The following BID variants were observed in gnomAD, a reference collection of about 807,000 sequenced individuals.
The protein encoded by BID is BH3-interacting domain death agonist.
Under a neutral mutation model 17.4 loss-of-function variants are expected in BID, and 19 were observed. The ratio of observed to expected loss-of-function variants is 1.09; its 90% confidence interval spans 0.76 to 1.60. The LOEUF is 1.60. Among genes scored for constraint, BID ranks in the 40% most tolerant of loss-of-function variants. The probability of loss-of-function intolerance (pLI) is 0.00; values close to 1 mark genes in which losing one functional copy is unlikely to be tolerated. For synonymous variants in BID, 108 were observed against 102.8 expected, an observed-to-expected ratio of 1.05 and a Z score of -0.31; for missense variants, 226 against 256.0, an observed-to-expected ratio of 0.88 and a Z score of 0.80.
In BID at chr22:17,769,306, G is replaced by A. The variant is rs540342146; in HGVS notation, c.-59+5075C>T. ...GTACACGGGTGACCCTTCCACAAAG[G>A]CCCCTAGCTGGGCTCCCTGCTCAGT... is the stretch of plus-strand genomic sequence containing the variant. On this transcript the variant is annotated intron_variant, in intron 1 of 5. Transcript: ENST00000622694. The surrounding 1 kb of genome is among the most constrained non-coding windows in gnomAD (Gnocchi z 4.8). 4.3e-4 allele frequency among the ~76,000 whole-genome samples: 65 copies of A among 152,340 alleles called. No individual in the cohort carries two copies. In the East Asian group the frequency reaches 0.012, roughly 28 times the overall value.
At chr22:17,766,595 CTGTT>C (rs1301239958) in intron 1 of BID, among the ~76,000 whole-genome samples, 1 of 137,600 alleles carries the variant, frequency 7.3e-6, no homozygotes. Context: ...TTTTGTTTGT[CTGTT>C]TGTTTTTTGA....
intron 1 of BID, 137 bp from the exon 2 acceptor site, chr22:17,750,311 T>C (rs1163744161): frequency 1.4e-6 from 1 of 722,590 alleles, no homozygotes; most frequent in East Asian, 2.7e-5. Flanking sequence ...GCATCCTGAG[T>C]TTCTTTCTCC....
chr22:17,740,320 TC>T, intron 3 of BID: 1 of 716,020 alleles, frequency 1.4e-6, no homozygotes, highest in Non-Finnish European at 2.4e-6. Flanking sequence ...ATGCCTGTAA[TC>T]CCAGTGCTTT....
intron 1 of BID, among the ~76,000 whole-genome samples, chr22:17,756,459 CTT>C (rs1211270125): frequency 3.9e-5 from 4 of 102,728 alleles, no homozygotes; most frequent in Admixed American, 9.4e-5. Context: ...TTCTTTCTTT[CTT>C]TCTTTCTTTC....
rs527851059 is a variant in BID at position 17,747,612 on chromosome 22, T to C, written c.12+2493A>G. Among the ~76,000 whole-genome samples, 274 of 151,902 alleles carry C rather than the reference T, an allele frequency of 1.8e-3. 1 individual carries two copies. Among genetic ancestry groups the C allele is most frequent in the African/African-American group, 6.1e-3 (254 of 41,504 alleles). On this transcript the variant is annotated intron_variant, in intron 2 of 5. Transcript: ENST00000622694. ...CTGGGATTACTGGCGTGAGCCACCATGCCCAGCCTCTAGATCCACTTTTGA... is the reference window on the plus strand; with the variant it reads ...CTGGGATTACTGGCGTGAGCCACCACGCCCAGCCTCTAGATCCACTTTTGA...
intron 2 of BID, among the ~76,000 whole-genome samples, chr22:17,746,397 G>C (rs776247763): frequency 1.3e-5 from 2 of 152,204 alleles, no homozygotes; most frequent in Non-Finnish European, 2.9e-5. Flanking sequence ...CTTCTCCAAA[G>C]TTGTTTCTGA....
intron 1 of BID, among the ~76,000 whole-genome samples, chr22:17,755,051 C>T (rs571399331): frequency 2.6e-5 from 4 of 151,418 alleles, no homozygotes; most frequent in Admixed American, 1.3e-4. Flanking sequence ...CGTGAGCCAC[C>T]GTGCCTGGCC....
chr22:17,734,534 C>T lies in BID; in HGVS notation c.*1046G>A, dbSNP rs2061406635. The T allele has an allele frequency of 6.6e-6, 1 of 152,218 alleles. No homozygotes were observed. The highest frequency in any genetic ancestry group is 2.4e-5 in the African/African-American group (1 of 41,444). 9.4% of individuals were successfully genotyped at this position (152,218 alleles called of 1,614,324 possible). ...GTGTTGCACTGTTTCTAAAGCTAAG[C>T]TTTTCCTTATTTATTTTGGTACTAC... On this transcript the variant is annotated 3_prime_UTR_variant, in exon 6 of 6. Coordinates refer to ENST00000622694, the MANE Select transcript of BID (RefSeq NM_001196.4).
intron 1 of BID, among the ~76,000 whole-genome samples, chr22:17,766,476 T>G (rs1039279535): frequency 2.6e-5 from 4 of 151,854 alleles, no homozygotes; most frequent in African/African-American, 9.7e-5. Flanking sequence ...AGAGGGGGTT[T>G]CTCCATGTTG....
chr22:17,761,331 A>T (rs1231882778), intron 1 of BID, among the ~76,000 whole-genome samples: 4 of 152,184 alleles, frequency 2.6e-5, no homozygotes, highest in Admixed American at 1.3e-4. Flanking sequence ...AATAAGCACA[A>T]ACATAATAAA....
chr22:17,735,669 A>G, intron 5 of BID, 78 bp from the exon 6 acceptor site: 2 of 1,568,248 alleles, frequency 1.3e-6, no homozygotes, highest in African/African-American at 1.4e-5. Flanking sequence ...GTGCCACAGT[A>G]GAGCAAAGCT....
intron 3 of BID, 38 bp downstream of exon 3, chr22:17,743,765 G>A (rs765102403): frequency 5.1e-6 from 8 of 1,572,222 alleles, no homozygotes; most frequent in Non-Finnish European, 6.0e-6. Context: ...CGACAGAGAA[G>A]CCCAGCTTTG....
intron 2 of BID, among the ~76,000 whole-genome samples, chr22:17,747,840 A>G (rs1217477710): frequency 3.6e-4 from 49 of 134,962 alleles, no homozygotes; most frequent in East Asian, 1.7e-3. Flanking sequence ...CACTTTGGGA[A>G]GCCGAGGCGG....
In BID at chr22:17,750,662, A is replaced by G. The variant is rs144238488; in HGVS notation, c.-58-488T>C. The stretch of plus-strand genomic sequence containing the variant: ...GCTAATGCGGTGAAACCCTGTCTCT[A>G]CTAAAAATACAAAAAATTAGCCGGG... On this transcript the variant is annotated intron_variant, in intron 1 of 5. Coordinates refer to ENST00000622694, the MANE Select transcript of BID (RefSeq NM_001196.4). 2.4e-3 allele frequency among the ~76,000 whole-genome samples: 364 copies of G among 152,134 alleles called. 1 individual carries two copies. The highest frequency in any genetic ancestry group is 8.3e-3 in the African/African-American group (343 of 41,496).
At position 17,769,042 on chromosome 22, in the gene BID, A is replaced by AAAATAAAT. The variant is rs55838099; in HGVS notation, c.-59+5331_-59+5338dup. The stretch of plus-strand genomic sequence containing the variant: ...GGGCGACAGAGTGAGACTCGTCTCA[A>AAAATAAAT]AAATAAATAAATAAATAAATAAATA... On this transcript the variant is annotated intron_variant, in intron 1 of 5. Coordinates refer to ENST00000622694, the MANE Select transcript of BID (RefSeq NM_001196.4). This position sits in a 1 kb window ranked among gnomAD's most constrained non-coding sequence, Gnocchi z 4.8. Among the ~76,000 whole-genome samples, 7,560 of 148,716 alleles carry AAAATAAAT rather than the reference A, an allele frequency of 0.051. 255 individuals carry two copies. The highest frequency in any genetic ancestry group is 0.097 in the African/African-American group (3,920 of 40,258).
chr22:17,748,854 G>T (rs1423452628), intron 2 of BID, among the ~76,000 whole-genome samples: 1 of 152,256 alleles, frequency 6.6e-6, no homozygotes, highest in Non-Finnish European at 1.5e-5. Flanking sequence ...GGTGGGAAGG[G>T]ACAGTGGCAC....
At chr22:17,774,309 G>C (rs1468629637) in intron 1 of BID, 72 bp downstream of exon 1, 1 of 153,114 alleles carries the variant, frequency 6.5e-6, no homozygotes, top group Non-Finnish European at 1.5e-5. Context: ...GCTCCACGCC[G>C]GGGCAGGCGG....
At chr22:17,750,278 G>C in intron 1 of BID, 104 bp from the exon 2 acceptor site, 3 of 991,992 alleles carry the variant, frequency 3.0e-6, no homozygotes, top group Non-Finnish European at 4.6e-6. Context: ...TGGCGGCTGA[G>C]CCGAGGTCCT....
In BID at chr22:17,740,029, C is replaced by T. The variant is rs1391280767; in HGVS notation, c.224-541G>A. ...TCCAACCAGAGCTCTCCCCCTTGCC[C>T]CTCAGTCCTCCTCCTCTGGCGCACA... On this transcript the variant is annotated intron_variant, in intron 3 of 5. Coordinates refer to ENST00000622694, the MANE Select transcript of BID (RefSeq NM_001196.4). The T allele has an allele frequency of 7.0e-6, 11 of 1,567,680 alleles. No individual in the cohort carries two copies. In the East Asian group the frequency reaches 2.5e-4, roughly 36 times the overall value.
Sources: gnomAD v4.1 joint callset for allele counts (sites outside exome capture counted in the v4.1 genomes callset) on GRCh38, gnomAD v4.1.1 for gene constraint, Gnocchi (gnomAD v3.1) non-coding constraint, MANE v1.5 for transcripts, NCBI Gene and HGNC (gene_info 2026-07-23, HGNC 2026-07-21) for gene names.